The following ATRX variants were observed in gnomAD, a reference collection of about 807,000 sequenced individuals.
ATRX encodes chromatin remodeler ATRX.
In ATRX, 12 loss-of-function variants were observed where a neutral mutation model predicts 172.6. The ratio of observed to expected loss-of-function variants is 0.07; its 90% CI spans 0.04 to 0.11. The LOEUF (loss-of-function observed/expected upper bound fraction) is 0.11. ATRX is among the 10% of genes least tolerant of loss of function. The pLI is 1.00. For missense variants in ATRX, 1,368 were observed against 1,767.4 expected (o/e 0.77, Z 4.05); for synonymous variants, 674 against 594.7 (o/e 1.13, Z -1.94).
chrX:77,730,357 C>A (rs369676972), intron 1 of ATRX, among the ~76,000 whole-genome samples: 1 of 111,885 alleles, frequency 8.9e-6, no homozygotes, highest in Non-Finnish European at 1.9e-5. Flanking sequence ...ATTATTAGAG[C>A]AAAAGGGAGA....
At chrX:77,564,956 C>A (rs994575428) in intron 28 of ATRX, among the ~76,000 whole-genome samples, 3 of 111,859 alleles carry the variant, frequency 2.7e-5, no homozygotes, top group Non-Finnish European at 5.6e-5. Flanking sequence ...TTCACAAGGT[C>A]CTCCCTGTGA....
intron 2 of ATRX, among the ~76,000 whole-genome samples, chrX:77,710,581 T>C (rs1411116741): frequency 8.1e-5 from 9 of 110,977 alleles, no homozygotes; most frequent in African/African-American, 2.6e-4. Flanking sequence ...ACTCAATCTG[T>C]ACATCCATAC....
intron 1 of ATRX, among the ~76,000 whole-genome samples, chrX:77,774,565 T>C (rs782151080): frequency 1.7e-4 from 19 of 110,347 alleles, no homozygotes; most frequent in African/African-American, 6.3e-4. Flanking sequence ...TAGACCCAGC[T>C]ACTCGGGAGG....
At chrX:77,765,753 G>A (rs1254301718) in intron 1 of ATRX, among the ~76,000 whole-genome samples, 1 of 106,982 alleles carries the variant, frequency 9.3e-6, no homozygotes, top group Non-Finnish European at 1.9e-5. Context: ...GGATTTGGCA[G>A]GGTCATAGGA....
At chrX:77,702,147 G>C (rs2072561408) in intron 2 of ATRX, among the ~76,000 whole-genome samples, 1 of 111,431 alleles carries the variant, frequency 9.0e-6, no homozygotes, top group African/African-American at 3.3e-5. Flanking sequence ...ATCCACTAAA[G>C]AATTATTGGA....
At chrX:77,783,283 T>C (rs782819664) in intron 1 of ATRX, among the ~76,000 whole-genome samples, 1 of 112,035 alleles carries the variant, frequency 8.9e-6, no homozygotes, top group East Asian at 2.8e-4. Flanking sequence ...GACACCCAGG[T>C]ACCCAAGTAC....
In ATRX at chrX:77,697,565, C is replaced by T. The variant is rs2148680733; in HGVS notation, c.242+18G>A. 8.3e-7 allele frequency: 1 copy of T among 1,205,114 alleles called. No homozygotes were observed. The highest frequency in any genetic ancestry group is 1.7e-5 in the African/African-American group (1 of 57,477). ...CTGAAAAAGAAAATAACTTTTTGTCCCTTCAACATCAACCAACCTCTTTGA... is the reference window on the plus strand; with the variant it reads ...CTGAAAAAGAAAATAACTTTTTGTCTCTTCAACATCAACCAACCTCTTTGA... On this transcript the variant is annotated intron_variant, in intron 4 of 34. Transcript: ENST00000373344.
At chrX:77,524,316 T>G (rs2063318470) in intron 30 of ATRX, among the ~76,000 whole-genome samples, 1 of 112,252 alleles carries the variant, frequency 8.9e-6, no homozygotes, top group South Asian at 3.6e-4. Flanking sequence ...TTTTAACAAG[T>G]TTTCCTAGAA....
intron 15 of ATRX, among the ~76,000 whole-genome samples, chrX:77,645,305 A>AT (rs1436699483): frequency 2.7e-5 from 3 of 110,711 alleles, no homozygotes; most frequent in Non-Finnish European, 1.9e-5. Flanking sequence ...CATCCAGATA[A>AT]TTTTTTAATT....
At chrX:77,780,328 ATTTGTTTTTGTT>A (rs781942143) in intron 1 of ATRX, among the ~76,000 whole-genome samples, 1 of 110,306 alleles carries the variant, frequency 9.1e-6, no homozygotes, top group African/African-American at 3.3e-5. Context: ...TTTTTTGCTT[ATTTGTTTTTGTT>A]TTTGTTTTTG....
chrX:77,703,137 C>T (rs1278375657), intron 2 of ATRX, among the ~76,000 whole-genome samples: 2 of 113,132 alleles, frequency 1.8e-5, no homozygotes, highest in African/African-American at 6.4e-5. Context: ...ATTTATCATT[C>T]TTATGATGCC....
At chrX:77,678,225 A>C (rs2071003018) in intron 9 of ATRX, among the ~76,000 whole-genome samples, 1 of 70,033 alleles carries the variant, frequency 1.4e-5, no homozygotes, top group South Asian at 6.5e-4. Flanking sequence ...TCAACTCAAA[A>C]AAAAAAAAAA....
rs782223389 is a variant in ATRX, at chrX:77,568,354, C to T, written c.6326+5896G>A. Among the ~76,000 whole-genome samples the T allele has an allele frequency of 1.9e-3, 214 of 111,277 alleles. 1 individual carries two copies. Among genetic ancestry groups the T allele is most frequent in the Middle Eastern group, 0.014 (3 of 217 alleles). On this transcript the variant is annotated intron_variant, in intron 28 of 34. Coordinates refer to ENST00000373344, the MANE Select transcript of ATRX (RefSeq NM_000489.6). ...TATTAAGAAAATGCTATGAACAATT[C>T]TACACATATATTTGAAATTACGATG...
intron 15 of ATRX, among the ~76,000 whole-genome samples, chrX:77,649,479 C>G (rs782410870): frequency 8.9e-6 from 1 of 111,999 alleles, no homozygotes. Flanking sequence ...GCTACTATAA[C>G]GAGTAAGTAA....
chrX:77,618,986 G>A lies in ATRX; in HGVS notation c.5273-5C>T. The A allele has an allele frequency of 8.9e-7, 1 of 1,122,589 alleles. No individual in the cohort carries two copies. The highest frequency in any genetic ancestry group is 1.2e-6 in the Non-Finnish European group (1 of 818,585). 92.5% of individuals were successfully genotyped at this position (1,122,589 alleles called of 1,213,427 possible). ...TAAAATTAACCATACAATGATCTAA[G>A]AGAGAAGACATTATTCATTAACAAC... On this transcript the variant is annotated splice_region_variant and splice_polypyrimidine_tract_variant and intron_variant, in intron 20 of 34. Transcript: ENST00000373344.
intron 15 of ATRX, among the ~76,000 whole-genome samples, chrX:77,639,411 A>G (rs1047122854): frequency 8.9e-6 from 1 of 111,982 alleles, no homozygotes; most frequent in Non-Finnish European, 1.9e-5. Context: ...AGTGAGTTGG[A>G]AAAGGATACA....
chrX:77,735,593 A>G, intron 1 of ATRX, among the ~76,000 whole-genome samples: 1 of 80,128 alleles, frequency 1.2e-5, no homozygotes, highest in Admixed American at 1.6e-4. Flanking sequence ...CTCCGTCTCA[A>G]AAAACTAAAT....
chrX:77,575,978 T>A (rs2065600478), intron 27 of ATRX, among the ~76,000 whole-genome samples: 1 of 111,557 alleles, frequency 9.0e-6, no homozygotes. Flanking sequence ...TTTCCTGTAG[T>A]ACCCCTTAAA....
At chrX:77,590,788 C>T (rs781975861) in intron 26 of ATRX, among the ~76,000 whole-genome samples, 1 of 111,383 alleles carries the variant, frequency 9.0e-6, no homozygotes, top group African/African-American at 3.3e-5. Flanking sequence ...ACTGTAAAAA[C>T]TGTAAGAACA....
Sources: gnomAD v4.1 joint callset for allele counts (sites outside exome capture counted in the v4.1 genomes callset) on GRCh38, gnomAD v4.1.1 for gene constraint, MANE v1.5 for transcripts, NCBI Gene and HGNC (gene_info 2026-07-23, HGNC 2026-07-21) for gene names.